Variants in FHIT observed in about 807,000 individuals in gnomAD.
FHIT encodes bis(5'-adenosyl)-triphosphatase.
FHIT carries 19 observed loss-of-function variants against 17.9 expected under a neutral mutation model. That is an observed-to-expected ratio of 1.06 (90% CI 0.74 to 1.56). The LOEUF is 1.56. Ranked by LOEUF, FHIT falls within the 40% of genes most tolerant of loss-of-function variation. The probability of loss-of-function intolerance (pLI) is 0.00; values close to 1 mark genes in which losing one functional copy is unlikely to be tolerated. For missense variants in FHIT, 248 were observed against 189.2 expected, an observed-to-expected ratio of 1.31 and a Z score of -1.82; for synonymous variants, 81 against 69.7, an observed-to-expected ratio of 1.16 and a Z score of -0.81.
In FHIT at chr3:61,155,588, TCTC is replaced by T. The variant is rs139084659; in HGVS notation, c.-164+45026_-164+45028del. 2.0e-3 allele frequency among the ~76,000 whole-genome samples: 312 copies of T among 152,302 alleles called. 3 individuals carry two copies. The highest frequency in any genetic ancestry group is 5.7e-3 in the African/African-American group (237 of 41,564). ...TTTCCCACATTTGCTTCATTCATCT[TCTC>T]CTTTTTTTCTTCTTCGTTGAAATAT... is the stretch of plus-strand genomic sequence containing the variant. On this transcript the variant is annotated intron_variant, in intron 2 of 9. Transcript: ENST00000492590.
chr3:60,044,082 C>T (rs539844078), intron 5 of FHIT, among the ~76,000 whole-genome samples: 2 of 152,208 alleles, frequency 1.3e-5, no homozygotes, highest in African/African-American at 4.8e-5. Context: ...TGATTTTTTG[C>T]CTTTGACTTC....
chr3:60,268,830 G>A (rs1372367607), intron 5 of FHIT, among the ~76,000 whole-genome samples: 2 of 151,884 alleles, frequency 1.3e-5, no homozygotes, highest in African/African-American at 2.4e-5. Context: ...CTTAAGGCAG[G>A]GAGATGATCC....
At chr3:61,138,939 C>G (rs1390473666) in intron 2 of FHIT, among the ~76,000 whole-genome samples, 3 of 151,898 alleles carry the variant, frequency 2.0e-5, no homozygotes, top group Admixed American at 6.6e-5. Flanking sequence ...GAAGGTCCTG[C>G]ATCTTTAAAT....
chr3:59,992,139 A>G (rs962701890), intron 7 of FHIT, among the ~76,000 whole-genome samples: 1 of 151,930 alleles, frequency 6.6e-6, no homozygotes, highest in Non-Finnish European at 1.5e-5. Flanking sequence ...ATAGAACATG[A>G]AGCCCAGAGC....
chr3:60,085,259 A>G (rs1703447348), intron 5 of FHIT, among the ~76,000 whole-genome samples: 1 of 152,180 alleles, frequency 6.6e-6, no homozygotes, highest in Non-Finnish European at 1.5e-5. Flanking sequence ...AGACAAGCAG[A>G]GAGAAGATTA....
rs1469023973 is a variant in FHIT, at chr3:60,047,142, A to G, written c.104-32990T>C. ...GCATACTGCCGTAATGTTCCACAAA[A>G]CGTAACAGTCGGTGCACAGCAATAC... On this transcript the variant is annotated intron_variant, in intron 5 of 9. Coordinates refer to ENST00000492590, the MANE Select transcript of FHIT (RefSeq NM_002012.4). 2.6e-5 allele frequency among the ~76,000 whole-genome samples: 4 copies of G among 152,340 alleles called. No individual in the cohort carries two copies. The South Asian group carries it at 6.2e-4, about 24-fold the overall frequency.
chr3:60,573,685 T>TGGGTGAG (rs1195602299), intron 4 of FHIT, among the ~76,000 whole-genome samples: 1 of 152,172 alleles, frequency 6.6e-6, no homozygotes, highest in African/African-American at 2.4e-5. Flanking sequence ...CGTTCAAGGC[T>TGGGTGAG]GGGTGAGAGT....
intron 5 of FHIT, among the ~76,000 whole-genome samples, chr3:60,511,778 G>C (rs1453902375): frequency 6.6e-6 from 1 of 152,080 alleles, no homozygotes; most frequent in Non-Finnish European, 1.5e-5. Context: ...CTGAAGCAGG[G>C]AAAGTATGTT....
At chr3:59,873,727 A>T (rs139893242) in intron 8 of FHIT, among the ~76,000 whole-genome samples, 34 of 152,144 alleles carry the variant, frequency 2.2e-4, no homozygotes, top group Non-Finnish European at 3.7e-4. Flanking sequence ...CCCGGGGGAG[A>T]AGAGTCGAAA....
In FHIT at chr3:60,788,308, A is replaced by T. The variant is rs571169939; in HGVS notation, c.-18+33611T>A. 3.6e-3 allele frequency among the ~76,000 whole-genome samples: 541 copies of T among 152,104 alleles called. 2 individuals are homozygous for T. The highest frequency in any genetic ancestry group is 0.012 in the African/African-American group (516 of 41,492). ...CCTATCTCTTAAAAACAAAAAAAAT[A>T]TTGTAATCAGAGGCTCTCAGGAACT... On this transcript the variant is annotated intron_variant, in intron 4 of 9. Transcript: ENST00000492590.
chr3:60,058,433 C>T (rs1702173062), intron 5 of FHIT, among the ~76,000 whole-genome samples: 1 of 152,156 alleles, frequency 6.6e-6, no homozygotes, highest in South Asian at 2.1e-4. Flanking sequence ...TGACCGTGTA[C>T]AGAGTTTCTA....
intron 4 of FHIT, among the ~76,000 whole-genome samples, chr3:60,637,489 CTTACA>C (rs1553684230): frequency 6.6e-6 from 1 of 152,182 alleles, no homozygotes; most frequent in African/African-American, 2.4e-5. Flanking sequence ...ATGTCCAGTG[CTTACA>C]TTAGATACAT....
intron 5 of FHIT, among the ~76,000 whole-genome samples, chr3:60,058,664 G>A (rs188915417): frequency 2.0e-4 from 31 of 152,238 alleles, no homozygotes; most frequent in Admixed American, 2.0e-3. Flanking sequence ...ACTCCCACTA[G>A]CTGTAAAGTG....
intron 4 of FHIT, among the ~76,000 whole-genome samples, chr3:60,744,246 T>TAAA (rs368982395): frequency 1.3e-4 from 4 of 30,918 alleles, no homozygotes; most frequent in African/African-American, 1.9e-4. Context: ...GGAAGTAATG[T>TAAA]AAAAAAAAAA....
At chr3:60,140,142 T>C (rs1384903423) in intron 5 of FHIT, among the ~76,000 whole-genome samples, 1 of 151,960 alleles carries the variant, frequency 6.6e-6, no homozygotes, top group East Asian at 1.9e-4. Context: ...AATTGGTTAA[T>C]TGTAGATTAC....
At chr3:60,410,232 G>T (rs1041172636) in intron 5 of FHIT, among the ~76,000 whole-genome samples, 9 of 152,194 alleles carry the variant, frequency 5.9e-5, no homozygotes, top group African/African-American at 2.2e-4. Context: ...CCACTGAGAA[G>T]ATAATAGGAA....
At chr3:61,079,159 T>A (rs1435745874) in intron 2 of FHIT, among the ~76,000 whole-genome samples, 1 of 152,180 alleles carries the variant, frequency 6.6e-6, no homozygotes, top group Non-Finnish European at 1.5e-5. Flanking sequence ...TAAAAAGTTG[T>A]TTGCAGTCAC....
intron 4 of FHIT, among the ~76,000 whole-genome samples, chr3:60,551,265 G>A (rs1010757230): frequency 2.0e-5 from 3 of 150,796 alleles, no homozygotes; most frequent in Admixed American, 6.6e-5. Context: ...TGATAACAAA[G>A]ATTCAAGCTC....
At chr3:61,176,892 C>T (rs6445196) in intron 2 of FHIT, among the ~76,000 whole-genome samples, 69,694 of 151,938 alleles carry the variant, frequency 0.46, 16,892 homozygotes, top group East Asian at 0.87. Flanking sequence ...AGAAAGGGAA[C>T]CGGCCGGGCG....
Sources: gnomAD v4.1 joint callset for allele counts (sites outside exome capture counted in the v4.1 genomes callset) on GRCh38, gnomAD v4.1.1 for gene constraint, MANE v1.5 for transcripts, NCBI Gene and HGNC (gene_info 2026-07-23, HGNC 2026-07-21) for gene names.